Variants in C8orf34 observed in about 807,000 individuals in gnomAD.
C8orf34 encodes uncharacterized protein C8orf34.
In C8orf34, 65 loss-of-function variants were observed where a neutral mutation model predicts 68.3. The observed-to-expected ratio is 0.95, with a 90% confidence interval of 0.78 to 1.17. The LOEUF (loss-of-function observed/expected upper bound fraction) is 1.17. Ranked by LOEUF, C8orf34 falls within the 50% of genes most tolerant of loss-of-function variation. The pLI is 0.00. For missense variants in C8orf34, 664 were observed against 655.4 expected, an observed-to-expected ratio of 1.01 and a Z score of -0.14; for synonymous variants, 244 against 241.2, an observed-to-expected ratio of 1.01 and a Z score of -0.11.
intron 1 of C8orf34, among the ~76,000 whole-genome samples, chr8:68,344,192 A>C (rs1014836309): frequency 2.6e-5 from 4 of 152,194 alleles, no homozygotes; most frequent in African/African-American, 9.7e-5. Context: ...TCATTAAACA[A>C]ATGTGGGGCA....
At chr8:68,362,008 C>A (rs1807022604) in intron 1 of C8orf34, among the ~76,000 whole-genome samples, 1 of 152,192 alleles carries the variant, frequency 6.6e-6, no homozygotes, top group African/African-American at 2.4e-5. Context: ...GTAAGCCAAA[C>A]TGATTTGGAT....
chr8:68,669,266 GT>G (rs1193015880), intron 8 of C8orf34, among the ~76,000 whole-genome samples: 8 of 152,106 alleles, frequency 5.3e-5, no homozygotes, highest in African/African-American at 1.9e-4. Flanking sequence ...TGTGATGTAT[GT>G]TGGAGGGGAG....
chr8:68,737,327 A>AATATTCATT (rs1822149683), intron 10 of C8orf34, among the ~76,000 whole-genome samples: 1 of 152,096 alleles, frequency 6.6e-6, no homozygotes, highest in Non-Finnish European at 1.5e-5. Context: ...CTTTTATGCA[A>AATATTCATT]ATATTCATTA....
chr8:68,613,061 C>T (rs548138278), intron 7 of C8orf34, among the ~76,000 whole-genome samples: 1 of 152,162 alleles, frequency 6.6e-6, no homozygotes, highest in South Asian at 2.1e-4. Context: ...TGGCTATTTT[C>T]TCATATGGGA....
At chr8:68,635,243 C>G (rs6472413) in intron 7 of C8orf34, among the ~76,000 whole-genome samples, 5,858 of 152,204 alleles carry the variant, frequency 0.038, 354 homozygotes, top group African/African-American at 0.13. Flanking sequence ...CCATGGCACT[C>G]CATACCAGGA....
At chr8:68,661,814 A>T (rs1055620806) in intron 8 of C8orf34, among the ~76,000 whole-genome samples, 3 of 152,026 alleles carry the variant, frequency 2.0e-5, no homozygotes, top group Non-Finnish European at 4.4e-5. Flanking sequence ...CCCTTTCCTT[A>T]CTGTCTGCCT....
At chr8:68,695,900 A>G (rs945811830) in intron 8 of C8orf34, 5 of 152,152 alleles carry the variant, frequency 3.3e-5, no homozygotes, top group African/African-American at 1.2e-4. Flanking sequence ...TTCCAAAAGT[A>G]AAAGAAAAAT....
At chr8:68,700,724 G>T (rs1820990602) in intron 8 of C8orf34, among the ~76,000 whole-genome samples, 1 of 152,082 alleles carries the variant, frequency 6.6e-6, no homozygotes, top group Non-Finnish European at 1.5e-5. Flanking sequence ...TTGAGGCAGA[G>T]CACTGCCTTT....
intron 1 of C8orf34, among the ~76,000 whole-genome samples, chr8:68,430,868 T>C (rs1451033332): frequency 6.6e-6 from 1 of 152,094 alleles, no homozygotes; most frequent in Non-Finnish European, 1.5e-5. Context: ...ACCCCTCTTC[T>C]CTAAACATTT....
intron 7 of C8orf34, among the ~76,000 whole-genome samples, chr8:68,562,115 A>G (rs892626902): frequency 6.6e-6 from 1 of 152,234 alleles, no homozygotes; most frequent in African/African-American, 2.4e-5. Flanking sequence ...AAACTTTTAT[A>G]CAATTGGCAA....
chr8:68,766,303 A>C (rs1173003895), intron 10 of C8orf34, among the ~76,000 whole-genome samples: 2 of 152,236 alleles, frequency 1.3e-5, no homozygotes, highest in African/African-American at 4.8e-5. Context: ...TTGCAAAGAC[A>C]CAGGTTGATT....
intron 7 of C8orf34, among the ~76,000 whole-genome samples, chr8:68,580,821 C>T (rs981171419): frequency 1.3e-5 from 2 of 152,094 alleles, no homozygotes; most frequent in African/African-American, 4.8e-5. Context: ...CTCATGATGG[C>T]AGTTCCCTAT....
At chr8:68,636,271 C>T (rs193213316) in intron 7 of C8orf34, among the ~76,000 whole-genome samples, 15 of 152,110 alleles carry the variant, frequency 9.9e-5, no homozygotes, top group East Asian at 5.8e-4. Flanking sequence ...TGTGGGTCAA[C>T]GTTCTAATGC....
chr8:68,559,417 G>A (rs1816353981), intron 7 of C8orf34, among the ~76,000 whole-genome samples: 1 of 152,188 alleles, frequency 6.6e-6, no homozygotes, highest in South Asian at 2.1e-4. Flanking sequence ...TAAGACGTAT[G>A]AGTAAGTCTG....
chr8:68,672,461 G>A (rs1820044684), intron 8 of C8orf34, among the ~76,000 whole-genome samples: 1 of 152,178 alleles, frequency 6.6e-6, no homozygotes, highest in South Asian at 2.1e-4. Context: ...GGCTTAGGGA[G>A]GGAGAACTCA....
intron 7 of C8orf34, among the ~76,000 whole-genome samples, chr8:68,589,273 T>A (rs1817296649): frequency 6.6e-6 from 1 of 152,186 alleles, no homozygotes; most frequent in Admixed American, 6.6e-5. Flanking sequence ...TTCTTTCATA[T>A]TTCATTGTGT....
chr8:68,433,650 G>A (rs1332991104), intron 1 of C8orf34, among the ~76,000 whole-genome samples: 2 of 152,188 alleles, frequency 1.3e-5, no homozygotes, highest in African/African-American at 4.8e-5. Context: ...AAACCTTAGA[G>A]GCTCAGTACA....
intron 7 of C8orf34, chr8:68,625,708 G>T: frequency 1.5e-6 from 1 of 646,798 alleles, no homozygotes; most frequent in South Asian, 1.7e-5. Context: ...AGTGTGAGTT[G>T]GCAACTATGG....
chr8:68,683,469 A>G (rs1820426555), intron 8 of C8orf34, among the ~76,000 whole-genome samples: 1 of 151,950 alleles, frequency 6.6e-6, no homozygotes, highest in Non-Finnish European at 1.5e-5. Flanking sequence ...AAGTGCTTGC[A>G]GAAGAACTAA....
Sources: gnomAD v4.1 joint callset for allele counts (sites outside exome capture counted in the v4.1 genomes callset) on GRCh38, gnomAD v4.1.1 for gene constraint, MANE v1.5 for transcripts, NCBI Gene and HGNC (gene_info 2026-07-23, HGNC 2026-07-21) for gene names.